The following ANK3 variants were observed in gnomAD, a reference collection of about 807,000 sequenced individuals.
ANK3 encodes the protein ankyrin 3, also known as ankyrin-3.
Under a neutral mutation model 370.9 loss-of-function variants are expected in ANK3, and 57 were observed. The observed-to-expected ratio is 0.15, with a 90% CI of 0.12 to 0.19. The LOEUF is 0.19. Ranked by LOEUF, ANK3 falls within the 10% of genes least tolerant of loss-of-function variation. The pLI is 1.00. For synonymous variants in ANK3, 1,929 were observed against 1,946.3 expected (o/e 0.99, Z 0.23); for missense variants, 4,439 against 5,302.1 (o/e 0.84, Z 5.06).
chr10:60,684,914 A>C (rs1385093315), intron 1 of ANK3: 3 of 1,494,898 alleles, frequency 2.0e-6, no homozygotes, highest in Admixed American at 1.7e-5. Flanking sequence ...AATAAACAAG[A>C]CTTGGAGAAC....
Position 60,071,240 on chromosome 10 carries a change from T to A in ANK3, c.9641A>T (p.Lys3214Met). 1 of 1,614,178 alleles carries A rather than the reference T, an allele frequency of 6.2e-7. No individual in the cohort carries two copies. The highest frequency in any genetic ancestry group is 1.1e-5 in the South Asian group (1 of 91,084). Reference protein sequence around the residue: ...SEESEEEEQAKSTSLKQTTVE... With the variant: ...SEESEEEEQAMSTSLKQTTVE... The stretch of plus-strand genomic sequence containing the variant: ...TGTAGTCTGCTTAAGGGAGGTTGAC[T>A]TGGCCTGTTCCTCCTCCTCTGACTC... Residue 3214 changes from lysine (K) to methionine (M), a missense_variant, in exon 37 of 44, where the codon AAG becomes ATG. Lys to Met is a moderately conservative substitution (Grantham distance 95, BLOSUM62 -1). Transcript: ENST00000280772.
chr10:60,705,068 T>C (rs1226917225), intron 1 of ANK3, among the ~76,000 whole-genome samples: 1 of 152,200 alleles, frequency 6.6e-6, no homozygotes, highest in Non-Finnish European at 1.5e-5. Context: ...ATTTTCAAAA[T>C]ATGCTATGAA....
intron 23 of ANK3, 77 bp from the exon 24 acceptor site, chr10:60,139,164 G>T: frequency 6.5e-7 from 1 of 1,538,398 alleles, no homozygotes; most frequent in Non-Finnish European, 8.8e-7. Flanking sequence ...TCACTCCTTT[G>T]GTTATCAGCA....
intron 2 of ANK3, among the ~76,000 whole-genome samples, chr10:60,494,533 C>A (rs539915152): frequency 6.6e-6 from 1 of 152,084 alleles, no homozygotes; most frequent in Non-Finnish European, 1.5e-5. Flanking sequence ...AAATACTTGC[C>A]TGTTCTCTCT....
intron 1 of ANK3, among the ~76,000 whole-genome samples, chr10:60,376,163 C>G (rs2060747578): frequency 6.6e-6 from 1 of 152,122 alleles, no homozygotes; most frequent in Admixed American, 6.6e-5. Context: ...AGGCCCTTTC[C>G]CTTATTCCAC....
chr10:60,476,894 T>G (rs1053554301), intron 2 of ANK3, among the ~76,000 whole-genome samples: 7 of 152,120 alleles, frequency 4.6e-5, no homozygotes, highest in African/African-American at 1.7e-4. Context: ...TTGAAAACAA[T>G]TCAGTCACAA....
intron 1 of ANK3, among the ~76,000 whole-genome samples, chr10:60,701,089 AAAATGGTCTAAAGAAACAGTTGAG>A (rs1438318161): frequency 6.6e-6 from 1 of 152,132 alleles, no homozygotes. Context: ...GATATTGTTT[AAAATGGTCTAAAGAAACAGTTGAG>A]TGAGAAAAAT....
At chr10:60,144,518 C>G (rs931146799) in intron 23 of ANK3, among the ~76,000 whole-genome samples, 2 of 152,210 alleles carry the variant, frequency 1.3e-5, no homozygotes, top group Admixed American at 1.3e-4. Context: ...CTCCCCAAAT[C>G]TACCTGATCC....
At chr10:60,446,153 G>T (rs2064439787) in intron 2 of ANK3, among the ~76,000 whole-genome samples, 1 of 152,120 alleles carries the variant, frequency 6.6e-6, no homozygotes, top group Non-Finnish European at 1.5e-5. Flanking sequence ...AGAATTTTAA[G>T]CCATGGAGGA....
intron 1 of ANK3, among the ~76,000 whole-genome samples, chr10:60,730,828 T>C (rs1361255909): frequency 1.3e-5 from 2 of 152,168 alleles, no homozygotes; most frequent in African/African-American, 2.4e-5. Flanking sequence ...ATAATGTGAG[T>C]TTGGGGAAGC....
In ANK3 at chr10:60,490,677, C is replaced by T. The variant is rs150141762; in HGVS notation, c.96+124509G>A. 6.1e-3 allele frequency among the ~76,000 whole-genome samples: 930 copies of T among 152,320 alleles called. 2 individuals carry two copies. Among genetic ancestry groups the T allele is most frequent in the Non-Finnish European group, 0.01 (690 of 68,028 alleles). The stretch of plus-strand genomic sequence containing the variant: ...CTTATTCATCAATACTTTTCTTCCA[C>T]TGGATCATTTTATTTAGCATACAAA... On this transcript the variant is annotated intron_variant, in intron 2 of 43. Coordinates refer to the ANK3 transcript ENST00000373827.
Position 60,570,892 on chromosome 10 carries a change from G to A in ANK3, c.96+44294C>T, listed in dbSNP as rs554208818. ...GTTAAAGGATTCCACATAAAAGCTC[G>A]ATGATTTACAACGAATCCAGCCACT... is the stretch of plus-strand genomic sequence containing the variant. On this transcript the variant is annotated intron_variant, in intron 2 of 43. Coordinates refer to the ANK3 transcript ENST00000373827. 9.9e-4 allele frequency among the ~76,000 whole-genome samples: 151 copies of A among 152,196 alleles called. 1 individual carries two copies. Among genetic ancestry groups the A allele is most frequent in the African/African-American group, 3.4e-3 (143 of 41,520 alleles).
rs146153674 is a variant in ANK3 at position 60,061,541 on chromosome 10, G to C, written c.12595+1570C>G. Among the ~76,000 whole-genome samples, 270 of 152,168 alleles carry C rather than the reference G, an allele frequency of 1.8e-3. 3 individuals carry two copies. Among genetic ancestry groups the C allele is most frequent in the African/African-American group, 6.4e-3 (264 of 41,522 alleles). ...TTATCAATAATTTAAAATTTGATAAGATGATCTATATTTATCTAGTGCAAA... is the reference window on the plus strand; with the variant it reads ...TTATCAATAATTTAAAATTTGATAACATGATCTATATTTATCTAGTGCAAA... On this transcript the variant is annotated intron_variant, in intron 40 of 43. Transcript: ENST00000280772.
At chr10:60,557,057 G>A (rs531394785) in intron 2 of ANK3, among the ~76,000 whole-genome samples, 3 of 152,268 alleles carry the variant, frequency 2.0e-5, no homozygotes, top group South Asian at 4.1e-4. Flanking sequence ...TGTCGTCTGT[G>A]GAAAAATTGT....
At chr10:60,594,260 G>A (rs958222950) in intron 2 of ANK3, among the ~76,000 whole-genome samples, 128 of 152,100 alleles carry the variant, frequency 8.4e-4, no homozygotes, top group African/African-American at 2.8e-3. Flanking sequence ...TGTAAAGATT[G>A]TTATAGCAGG....
chr10:60,547,380 C>T (rs957557385), intron 2 of ANK3, among the ~76,000 whole-genome samples: 9 of 151,926 alleles, frequency 5.9e-5, no homozygotes, highest in Admixed American at 2.0e-4. Context: ...CGTGAGCCAT[C>T]GCTCCCGGTC....
intron 16 of ANK3, among the ~76,000 whole-genome samples, chr10:60,189,002 G>A (rs2096411883): frequency 1.3e-5 from 2 of 152,106 alleles, no homozygotes; most frequent in Non-Finnish European, 2.9e-5. Context: ...TAACTACTTC[G>A]AGTGGTAAAG....
Position 60,088,246 on chromosome 10 carries a change from A to C in ANK3, c.3441T>G (p.Ile1147Met), listed in dbSNP as rs774262762. The C allele has an allele frequency of 6.2e-7, 1 of 1,614,164 alleles. No homozygotes were observed. Among genetic ancestry groups the C allele is most frequent in the South Asian group, 1.1e-5 (1 of 91,076 alleles). ...VSRIKQESNQ[I>M]GPEGGILSST... ...TGCTCAGAATTCCACCTTCAGGACC[A>C]ATCTGGTTGCTTTCCTGCTTAATCC... is the stretch of plus-strand genomic sequence containing the variant. The change falls in exon 29 of 44, where the codon ATT (isoleucine) becomes ATG (methionine). Residue 1147 changes from isoleucine (I) to methionine (M), a missense_variant. Coordinates refer to ENST00000280772, the MANE Select transcript of ANK3 (RefSeq NM_020987.5).
At chr10:60,693,770 C>G (rs2079396582) in intron 1 of ANK3, among the ~76,000 whole-genome samples, 2 of 152,130 alleles carry the variant, frequency 1.3e-5, no homozygotes, top group African/African-American at 4.8e-5. Flanking sequence ...CATCAAAGAC[C>G]AAAAGTAGAT....
Sources: allele counts gnomAD v4.1 joint callset (sites outside exome capture counted in the v4.1 genomes callset), GRCh38; gene constraint gnomAD v4.1.1; transcripts MANE v1.5; gene names NCBI Gene and HGNC (gene_info 2026-07-23, HGNC 2026-07-21).